Variants in LAMA3 observed in about 807,000 individuals in gnomAD.
The protein encoded by LAMA3 is laminin subunit alpha-3.
LAMA3 carries 281 observed loss-of-function variants against 402.0 expected under a neutral mutation model. That is an observed-to-expected ratio of 0.70 (90% confidence interval 0.63 to 0.77). The LOEUF (loss-of-function observed/expected upper bound fraction) is 0.77. Among genes scored for constraint, LAMA3 ranks in the 30% least tolerant of loss-of-function variants. The pLI is 0.00. For synonymous variants in LAMA3, 1,431 were observed against 1,558.4 expected (o/e 0.92, Z 1.93); for missense variants, 3,840 against 4,215.5 (o/e 0.91, Z 2.47).
In LAMA3 at chr18:23,861,561, C is replaced by T. The variant is rs2064221824; in HGVS notation, c.4423-85C>T. Reference sequence around the variant, plus strand: ...TGAGGCAAGGAGGCTGCCCGTGGAGCTTTCTGTAGTACATCATGCACCCAT... The same window carrying T: ...TGAGGCAAGGAGGCTGCCCGTGGAGTTTTCTGTAGTACATCATGCACCCAT... On this transcript the variant is annotated intron_variant, in intron 34 of 74. Transcript: ENST00000313654. The T allele has an allele frequency of 2.0e-6, 3 of 1,499,140 alleles. No individual in the cohort carries two copies. The African/African-American group carries it at 4.1e-5, about 21-fold the overall frequency. The allele number at this position is 1,499,140 out of a possible 1,614,324, so 92.9% of individuals were successfully genotyped here.
At chr18:23,910,184 A>T (rs535912207) in intron 55 of LAMA3, among the ~76,000 whole-genome samples, 1 of 152,342 alleles carries the variant, frequency 6.6e-6, no homozygotes, top group South Asian at 2.1e-4. Context: ...TTTGAAGTGT[A>T]TTATAGCACA....
intron 56 of LAMA3, among the ~76,000 whole-genome samples, chr18:23,913,587 A>G (rs2081509255): frequency 6.6e-6 from 1 of 152,230 alleles, no homozygotes; most frequent in Non-Finnish European, 1.5e-5. Flanking sequence ...TGGAAGAAAA[A>G]TGCTTGAAAT....
chr18:23,861,903 A>C (rs2064233688), intron 35 of LAMA3, 96 bp downstream of exon 35: 1 of 1,324,510 alleles, frequency 7.5e-7, no homozygotes, highest in Non-Finnish European at 1.0e-6. Context: ...AGCATCCAGC[A>C]GTTCAGGTTA....
intron 48 of LAMA3, 147 bp downstream of exon 48, chr18:23,901,470 T>C (rs1050084755): frequency 1.4e-5 from 10 of 708,562 alleles, no homozygotes; most frequent in Non-Finnish European, 2.5e-5. Flanking sequence ...GAACAAAGCG[T>C]TAAGTGCAAA....
intron 12 of LAMA3, among the ~76,000 whole-genome samples, chr18:23,799,137 C>T (rs1205067633): frequency 1.3e-5 from 2 of 152,218 alleles, no homozygotes; most frequent in African/African-American, 4.8e-5. Flanking sequence ...GCATGACAGA[C>T]AAGCCCCTGT....
At position 23,819,975 on chromosome 18, in the gene LAMA3, A is replaced by G; in HGVS notation, c.2282A>G (p.Tyr761Cys). 6.2e-7 allele frequency: 1 copy of G among 1,614,126 alleles called. No homozygotes were observed. The change falls in exon 19 of 75, where the codon TAT becomes TGT. Residue 761 changes from tyrosine to cysteine, a missense_variant. This residue lies in a region of LAMA3 where 2,109 missense variants were observed against 2,376.0 expected (regional missense o/e 0.89). Transcript: ENST00000313654. The part of the protein sequence containing the change: ...LAFPEFSWRG[Y>C]AQMTSVQNDV... Reference sequence around the variant, plus strand: ...TTTCCTGAGTTTAGCTGGAGAGGATATGCCCAAATGACCTCAGTACAGGTA... The same window carrying G: ...TTTCCTGAGTTTAGCTGGAGAGGATGTGCCCAAATGACCTCAGTACAGGTA...
intron 2 of LAMA3, among the ~76,000 whole-genome samples, chr18:23,731,861 C>G (rs180877222): frequency 3.3e-5 from 5 of 152,050 alleles, no homozygotes; most frequent in Admixed American, 3.3e-4. Flanking sequence ...CTCAGCATCA[C>G]GCAATATACC....
chr18:23,774,837 T>G (rs1470079127), intron 9 of LAMA3, among the ~76,000 whole-genome samples: 1 of 152,252 alleles, frequency 6.6e-6, no homozygotes, highest in Non-Finnish European at 1.5e-5. Flanking sequence ...TTCACTTTTC[T>G]TCCTTCTTCC....
Position 23,858,837 on chromosome 18 carries a change from T to C in LAMA3, c.4422+8T>C. The C allele has an allele frequency of 6.2e-7, 1 of 1,613,964 alleles. No homozygotes were observed. The highest frequency in any genetic ancestry group is 8.5e-7 in the Non-Finnish European group (1 of 1,179,840). On this transcript the variant is annotated splice_region_variant and intron_variant, in intron 34 of 74. Coordinates refer to ENST00000313654, the MANE Select transcript of LAMA3 (RefSeq NM_198129.4). ...CATAAGCGAAGGACTAAGGTATGCA[T>C]TGACAGAAAGTGCTGGGGAACATTT... is the stretch of plus-strand genomic sequence containing the variant.
intron 66 of LAMA3, 68 bp downstream of exon 66, chr18:23,932,359 T>C: frequency 1.3e-6 from 2 of 1,558,838 alleles, no homozygotes; most frequent in South Asian, 1.1e-5. Context: ...ATCTCTTTGG[T>C]CCAGTTAACA....
chr18:23,792,476 C>T (rs958205573), intron 12 of LAMA3, among the ~76,000 whole-genome samples: 1 of 152,116 alleles, frequency 6.6e-6, no homozygotes, highest in African/African-American at 2.4e-5. Flanking sequence ...GTAACTAATC[C>T]GAGGGCATTA....
intron 2 of LAMA3, among the ~76,000 whole-genome samples, chr18:23,716,866 T>C (rs1174983677): frequency 1.3e-5 from 2 of 152,230 alleles, no homozygotes; most frequent in Admixed American, 6.5e-5. Context: ...AGTTTCCTCA[T>C]TTATAAAATG....
Position 23,953,046 on chromosome 18 carries a change from G to A in LAMA3, c.9793G>A (p.Ala3265Thr). 1 of 1,614,110 alleles carries A rather than the reference G, an allele frequency of 6.2e-7. No individual in the cohort carries two copies. The highest frequency in any genetic ancestry group is 8.5e-7 in the Non-Finnish European group (1 of 1,180,004). ...LELDTDSSYT[A>T]GQIPFPPAST... ...ACTGGACACAGACAGTAGCTACACA[G>A]CTGGACAGATCCCCTTCCCACCTGC... Residue 3265 changes from alanine to threonine, a missense_variant, in exon 74 of 75, where the codon GCT becomes ACT. This residue lies in a region of LAMA3 where 840 missense variants were observed against 981.9 expected (regional missense o/e 0.86). Transcript: ENST00000313654.
intron 40 of LAMA3, 60 bp downstream of exon 40, chr18:23,882,105 A>C (rs1366367935): frequency 1.8e-6 from 2 of 1,098,206 alleles, no homozygotes; most frequent in African/African-American, 3.1e-5. Flanking sequence ...GCTGCCTAGG[A>C]CTAGGGGTGG....
intron 37 of LAMA3, among the ~76,000 whole-genome samples, chr18:23,871,223 T>C (rs1232570361): frequency 6.6e-6 from 1 of 152,198 alleles, no homozygotes; most frequent in Non-Finnish European, 1.5e-5. Context: ...CTGCCTTCAT[T>C]TTTTTTCCTT....
At chr18:23,932,585 C>T in intron 66 of LAMA3, 1 of 368,846 alleles carries the variant, frequency 2.7e-6, no homozygotes, top group Non-Finnish European at 5.2e-6. Flanking sequence ...AATTTTATTG[C>T]ATTATAATCA....
intron 8 of LAMA3, among the ~76,000 whole-genome samples, chr18:23,772,959 G>C (rs529180548): frequency 6.6e-6 from 1 of 152,320 alleles, no homozygotes; most frequent in African/African-American, 2.4e-5. Context: ...CCGTGTATGA[G>C]ACTCATGCCT....
At position 23,827,446 on chromosome 18, in the gene LAMA3, G is replaced by A. The variant is rs369862625; in HGVS notation, c.2802G>A (p.Met934Ile). ...VRQPTPAHPVMVDLSGREVEL... is the reference protein window; with the variant it reads ...VRQPTPAHPVIVDLSGREVEL... ...AGCCCACACCTGCACACCCTGTCAT[G>A]GTGGACCTCAGCGGGAGAGAGGTGG... Residue 934 changes from methionine to isoleucine, a missense_variant, in exon 23 of 75, where the codon ATG becomes ATA. Physicochemically the swap from Met to Ile is conservative, Grantham distance 10 (BLOSUM62 1). This residue lies in a region of LAMA3 where 2,109 missense variants were observed against 2,376.0 expected (regional missense o/e 0.89). Coordinates refer to ENST00000313654, the MANE Select transcript of LAMA3 (RefSeq NM_198129.4). 3 of 1,614,132 alleles carry A rather than the reference G, an allele frequency of 1.9e-6. No homozygotes were observed. The highest frequency in any genetic ancestry group is 2.5e-6 in the Non-Finnish European group (3 of 1,180,034).
In LAMA3 at chr18:23,773,525, A is replaced by G; in HGVS notation, c.1211A>G (p.Gln404Arg). The G allele has an allele frequency of 6.2e-7, 1 of 1,600,196 alleles. No homozygotes were observed. ...QHNTAGVNCE[Q>R]CAKGYYRPYG... Reference sequence around the variant, plus strand: ...AACACAGCTGGAGTAAACTGTGAACAGTGTGCTAAGGGCTATTACCGCCCT... The same window carrying G: ...AACACAGCTGGAGTAAACTGTGAACGGTGTGCTAAGGGCTATTACCGCCCT... The change falls in exon 9 of 75, where the codon CAG becomes CGG. Residue 404 changes from glutamine (Q) to arginine (R), a missense_variant. Physicochemically the swap from Gln to Arg is conservative, Grantham distance 43 (BLOSUM62 1). Coordinates refer to ENST00000313654, the MANE Select transcript of LAMA3 (RefSeq NM_198129.4).
Sources: allele counts gnomAD v4.1 joint callset (sites outside exome capture counted in the v4.1 genomes callset), GRCh38; gene constraint gnomAD v4.1.1; regional missense constraint gnomAD v4.1.1; transcripts MANE v1.5; gene names NCBI Gene and HGNC (gene_info 2026-07-23, HGNC 2026-07-21).